Variants in RTN1 observed in about 807,000 individuals in gnomAD.
The protein encoded by RTN1 is reticulon-1.
RTN1 carries 25 observed loss-of-function variants against 65.5 expected under a neutral mutation model. The ratio of observed to expected loss-of-function variants is 0.38; its 90% CI spans 0.28 to 0.53. The LOEUF is 0.53. Ranked by LOEUF, RTN1 falls within the 20% of genes least tolerant of loss-of-function variation. The pLI is 0.79. For synonymous variants in RTN1, 471 were observed against 447.6 expected (o/e 1.05, Z -0.66); for missense variants, 983 against 1,025.4 (o/e 0.96, Z 0.57).
intron 4 of RTN1, among the ~76,000 whole-genome samples, chr14:59,606,811 T>A (rs1230159732): frequency 1.3e-5 from 2 of 152,310 alleles, no homozygotes; most frequent in South Asian, 2.1e-4. Context: ...TCATGAACCC[T>A]GCACCCCCAC....
chr14:59,827,948 C>G (rs929156645), intron 1 of RTN1, among the ~76,000 whole-genome samples: 14 of 152,206 alleles, frequency 9.2e-5, no homozygotes, highest in African/African-American at 3.4e-4. Flanking sequence ...AATTTAAGTT[C>G]TCCCGTACAA....
chr14:59,659,052 A>G (rs1381041982), intron 3 of RTN1, among the ~76,000 whole-genome samples: 4 of 152,320 alleles, frequency 2.6e-5, no homozygotes, highest in Admixed American at 2.6e-4. Context: ...GACCTGATGG[A>G]GCTGAAAAAC....
Position 59,598,747 on chromosome 14 carries a change from T to C in RTN1, c.2289-1960A>G, listed in dbSNP as rs114961180. On this transcript the variant is annotated intron_variant, in intron 8 of 8. Coordinates refer to ENST00000267484, the MANE Select transcript of RTN1 (RefSeq NM_021136.3). ...ATCTCAGAACTTCTAAAATTTCCATTCACTGCTCTTGAGAGAAAAAGGGAA... is the reference window on the plus strand; with the variant it reads ...ATCTCAGAACTTCTAAAATTTCCATCCACTGCTCTTGAGAGAAAAAGGGAA... Among the ~76,000 whole-genome samples, 368 of 152,352 alleles carry C rather than the reference T, an allele frequency of 2.4e-3. 2 individuals are homozygous for C. The highest frequency in any genetic ancestry group is 8.4e-3 in the African/African-American group (348 of 41,578).
chr14:59,771,661 T>C (rs1885961939), intron 1 of RTN1, among the ~76,000 whole-genome samples: 1 of 152,206 alleles, frequency 6.6e-6, no homozygotes, highest in African/African-American at 2.4e-5. Flanking sequence ...AAGATATTCT[T>C]TCACCGAGGC....
intron 1 of RTN1, among the ~76,000 whole-genome samples, chr14:59,760,014 C>T (rs1254375658): frequency 6.6e-6 from 1 of 152,030 alleles, no homozygotes; most frequent in Non-Finnish European, 1.5e-5. Context: ...CAGGAATTAG[C>T]CCATAGACAC....
At chr14:59,752,749 T>C (rs1452219625) in intron 1 of RTN1, among the ~76,000 whole-genome samples, 1 of 152,184 alleles carries the variant, frequency 6.6e-6, no homozygotes, top group East Asian at 1.9e-4. Flanking sequence ...AATGGACTCT[T>C]CAATCCATTA....
chr14:59,805,112 T>C (rs568419602), intron 1 of RTN1, among the ~76,000 whole-genome samples: 63 of 152,334 alleles, frequency 4.1e-4, no homozygotes, highest in African/African-American at 1.4e-3. Flanking sequence ...AAAGTATTGG[T>C]GTGGCTCAAT....
chr14:59,684,723 T>G (rs773791765), intron 3 of RTN1, among the ~76,000 whole-genome samples: 7 of 152,096 alleles, frequency 4.6e-5, no homozygotes, highest in Non-Finnish European at 8.8e-5. Flanking sequence ...ATGGGGTACT[T>G]GAGCAATAAA....
intron 3 of RTN1, among the ~76,000 whole-genome samples, chr14:59,651,145 G>T (rs1324655505): frequency 1.3e-5 from 2 of 152,122 alleles, no homozygotes; most frequent in Non-Finnish European, 2.9e-5. Context: ...ATACTATGGG[G>T]CTATAATAAT....
At chr14:59,630,973 C>G (rs1212912892) in intron 3 of RTN1, among the ~76,000 whole-genome samples, 1 of 152,136 alleles carries the variant, frequency 6.6e-6, no homozygotes, top group Non-Finnish European at 1.5e-5. Context: ...CTGAGAAACC[C>G]AAGAAACCTG....
At chr14:59,743,277 C>T (rs1486302615) in intron 2 of RTN1, among the ~76,000 whole-genome samples, 1 of 152,120 alleles carries the variant, frequency 6.6e-6, no homozygotes, top group Admixed American at 6.5e-5. Flanking sequence ...TTAATGGACC[C>T]TTTGTCAAGT....
intron 1 of RTN1, 43 bp from the exon 2 acceptor site, chr14:59,746,524 G>A (rs367697599): frequency 6.1e-5 from 92 of 1,506,374 alleles, no homozygotes; most frequent in African/African-American, 5.6e-4. Context: ...GGTGCTTGGC[G>A]TCAGCTCTCT....
intron 1 of RTN1, among the ~76,000 whole-genome samples, chr14:59,801,420 T>C (rs975699405): frequency 1.3e-5 from 2 of 152,048 alleles, no homozygotes; most frequent in African/African-American, 4.8e-5. Flanking sequence ...TCAGAAACTA[T>C]GCAAGCCAGA....
rs575758021 is a variant in RTN1, at chr14:59,867,418, T to A, written c.241+2972A>T. On this transcript the variant is annotated intron_variant, in intron 1 of 8. Transcript: ENST00000267484. Reference sequence around the variant, plus strand: ...CAACACACATAATTTCACATGTCCATTATCAGTTTAGACATGAAGTTGTAA... The same window carrying A: ...CAACACACATAATTTCACATGTCCAATATCAGTTTAGACATGAAGTTGTAA... 2.6e-5 allele frequency among the ~76,000 whole-genome samples: 4 copies of A among 152,332 alleles called. No homozygotes were observed. In the South Asian group the frequency reaches 8.3e-4, roughly 32 times the overall value.
At chr14:59,657,524 G>A (rs1248820715) in intron 3 of RTN1, among the ~76,000 whole-genome samples, 2 of 152,214 alleles carry the variant, frequency 1.3e-5, no homozygotes, top group Non-Finnish European at 2.9e-5. Context: ...GGTGATTTCT[G>A]CATTTCCAAC....
At position 59,607,354 on chromosome 14, in the gene RTN1, G is replaced by A; in HGVS notation, c.1904C>T (p.Thr635Ile). 6.2e-7 allele frequency: 1 copy of A among 1,613,638 alleles called. No individual in the cohort carries two copies. The highest frequency in any genetic ancestry group is 8.5e-7 in the Non-Finnish European group (1 of 1,179,898). ...AGACTTGTAGATGCGGAAACTGATG[G>A]TGGCTGAGAGTGCGGCCAGGGCCAG... ...AYLALAALSATISFRIYKSVL... is the reference protein window; with the variant it reads ...AYLALAALSAIISFRIYKSVL... The change falls in exon 4 of 9, where the codon ACC (threonine) becomes ATC (isoleucine). Residue 635 changes from threonine to isoleucine, a missense_variant. Around this residue, in one of 2 missense-constraint regions of RTN1, gnomAD observed 165 missense variants for 223.6 expected, o/e 0.74. Transcript: ENST00000267484.
intron 3 of RTN1, among the ~76,000 whole-genome samples, chr14:59,675,056 C>CACAG (rs1279985353): frequency 6.6e-6 from 1 of 151,284 alleles, no homozygotes; most frequent in African/African-American, 2.4e-5. Flanking sequence ...GATGAATACA[C>CACAG]ACACACACAC....
chr14:59,730,526 C>A (rs991968364), intron 2 of RTN1, among the ~76,000 whole-genome samples: 16 of 152,148 alleles, frequency 1.1e-4, no homozygotes, highest in African/African-American at 3.6e-4. Flanking sequence ...ATAAACTGGG[C>A]TTTTGTGCTT....
chr14:59,851,855 CAAAAAAAA>C (rs5809049), intron 1 of RTN1, among the ~76,000 whole-genome samples: 3 of 88,198 alleles, frequency 3.4e-5, no homozygotes, highest in Non-Finnish European at 7.0e-5. Flanking sequence ...GACACAGTCT[CAAAAAAAA>C]AAAAAAAAAA....
Sources: allele counts gnomAD v4.1 joint callset (sites outside exome capture counted in the v4.1 genomes callset), GRCh38; gene constraint gnomAD v4.1.1; regional missense constraint gnomAD v4.1.1; transcripts MANE v1.5; gene names NCBI Gene and HGNC (gene_info 2026-07-23, HGNC 2026-07-21).